TEAD1: variants seen among roughly 807,000 people sequenced by gnomAD.
TEAD1 encodes TEA domain transcription factor 1, also known as transcriptional enhancer factor TEF-1.
TEAD1 carries 9 observed loss-of-function variants against 54.9 expected under a neutral mutation model. That is an observed-to-expected ratio of 0.16 (90% CI 0.10 to 0.29). The LOEUF is 0.29. Ranked by LOEUF, TEAD1 falls within the 10% of genes least tolerant of loss-of-function variation. The pLI, the probability that TEAD1 is intolerant of heterozygous loss-of-function variation, is 1.00. For synonymous variants in TEAD1, 200 were observed against 187.8 expected (o/e 1.07, Z -0.53); for missense variants, 387 against 535.9 (o/e 0.72, Z 2.74).
At chr11:12,928,067 G>A (rs769929128) in intron 11 of TEAD1, among the ~76,000 whole-genome samples, 8 of 151,994 alleles carry the variant, frequency 5.3e-5, no homozygotes, top group Non-Finnish European at 8.8e-5. Context: ...GCTGCAATAC[G>A]TTATCAAATG....
chr11:12,695,550 A>G (rs1281199363), intron 2 of TEAD1, among the ~76,000 whole-genome samples: 12 of 152,150 alleles, frequency 7.9e-5, no homozygotes, highest in East Asian at 1.9e-4. Flanking sequence ...GGGATTGATT[A>G]ATTAATTAAA....
intron 3 of TEAD1, among the ~76,000 whole-genome samples, chr11:12,795,704 A>G (rs1196488017): frequency 6.6e-6 from 1 of 152,208 alleles, no homozygotes; most frequent in East Asian, 1.9e-4. Context: ...TTGGAAATGC[A>G]GAGTCTCAGG....
At chr11:12,908,909 C>G (rs1313160495) in intron 10 of TEAD1, among the ~76,000 whole-genome samples, 1 of 85,130 alleles carries the variant, frequency 1.2e-5, no homozygotes, top group Admixed American at 1.0e-4. Context: ...GACAGTGTTG[C>G]TCTGCTGCCC....
chr11:12,894,481 G>A (rs943767219), intron 9 of TEAD1, among the ~76,000 whole-genome samples: 2 of 152,118 alleles, frequency 1.3e-5, no homozygotes, highest in African/African-American at 2.4e-5. Context: ...GTACTGTTGT[G>A]GTTTGTTTCA....
intron 3 of TEAD1, among the ~76,000 whole-genome samples, chr11:12,799,346 A>T (rs1385783312): frequency 6.6e-6 from 1 of 152,114 alleles, no homozygotes; most frequent in Non-Finnish European, 1.5e-5. Flanking sequence ...TCTTTTTCCT[A>T]TTTCTTGGCT....
intron 10 of TEAD1, among the ~76,000 whole-genome samples, chr11:12,920,198 G>T (rs1293430983): frequency 1.3e-5 from 2 of 152,192 alleles, no homozygotes; most frequent in Non-Finnish European, 2.9e-5. Context: ...TCTGCTAGGT[G>T]TGCCACTGCT....
At chr11:12,716,232 C>A (rs1944059304) in intron 2 of TEAD1, among the ~76,000 whole-genome samples, 1 of 152,172 alleles carries the variant, frequency 6.6e-6, no homozygotes, top group African/African-American at 2.4e-5. Flanking sequence ...TTGGAACCAC[C>A]GGACAAGCAG....
chr11:12,698,455 A>AG (rs1007234075), intron 2 of TEAD1, among the ~76,000 whole-genome samples: 19 of 152,032 alleles, frequency 1.2e-4, no homozygotes, highest in African/African-American at 4.6e-4. Context: ...CAGGCAGAGC[A>AG]GGAAGGGACT....
rs552698311 is a variant in TEAD1 at position 12,717,094 on chromosome 11, C to A, written c.-55+41533C>A. ...GATTTGTAGATCTTCAGAGGATGAG[C>A]CATAAACAGTCAAGTCTGGCCATGG... On this transcript the variant is annotated intron_variant, in intron 2 of 12. Coordinates refer to ENST00000527636, the MANE Select transcript of TEAD1 (RefSeq NM_021961.6). 5.3e-5 allele frequency among the ~76,000 whole-genome samples: 8 copies of A among 152,242 alleles called. No homozygotes were observed. The East Asian group carries it at 1.5e-3, about 29-fold the overall frequency.
At chr11:12,699,564 A>T (rs763071155) in intron 2 of TEAD1, among the ~76,000 whole-genome samples, 1 of 152,208 alleles carries the variant, frequency 6.6e-6, no homozygotes, top group African/African-American at 2.4e-5. Context: ...GGGGTTATTC[A>T]TAGAGACTTT....
chr11:12,788,713 T>G (rs1408871003), intron 3 of TEAD1, among the ~76,000 whole-genome samples: 1 of 152,204 alleles, frequency 6.6e-6, no homozygotes, highest in Non-Finnish European at 1.5e-5. Context: ...ATCACGCCCT[T>G]GGGCACTGAG....
chr11:12,808,139 T>A (rs1236066794), intron 3 of TEAD1, among the ~76,000 whole-genome samples: 2 of 152,242 alleles, frequency 1.3e-5, no homozygotes, highest in East Asian at 3.8e-4. Context: ...ATTCATTTCA[T>A]TTTCCAAGTA....
chr11:12,802,947 T>C (rs561449345), intron 3 of TEAD1, among the ~76,000 whole-genome samples: 22 of 152,204 alleles, frequency 1.4e-4, no homozygotes, highest in Non-Finnish European at 2.9e-4. Flanking sequence ...GAGTCTCATT[T>C]GAGTTGGCGG....
At chr11:12,685,606 A>G (rs1242105412) in intron 2 of TEAD1, among the ~76,000 whole-genome samples, 1 of 152,230 alleles carries the variant, frequency 6.6e-6, no homozygotes, top group Non-Finnish European at 1.5e-5. Flanking sequence ...CCAGGAAAAA[A>G]CATATAGTTC....
chr11:12,862,201 G>A, intron 3 of TEAD1, 49 bp from the exon 4 acceptor site: 6 of 1,504,188 alleles, frequency 4.0e-6, no homozygotes, highest in Non-Finnish European at 5.5e-6. Flanking sequence ...GGCTTTGTTG[G>A]TTTGGTGTTT....
At chr11:12,704,667 G>C (rs1279250668) in intron 2 of TEAD1, among the ~76,000 whole-genome samples, 2 of 152,156 alleles carry the variant, frequency 1.3e-5, no homozygotes, top group Admixed American at 6.5e-5. Context: ...TTACCCTATT[G>C]TCTCTCTCTG....
intron 2 of TEAD1, among the ~76,000 whole-genome samples, chr11:12,724,109 T>C (rs1213259982): frequency 1.3e-5 from 2 of 152,124 alleles, no homozygotes; most frequent in African/African-American, 4.8e-5. Context: ...TCCTTCATGG[T>C]GATGCCAAGC....
chr11:12,719,953 T>TG (rs1564917582), intron 2 of TEAD1, among the ~76,000 whole-genome samples: 1 of 23,296 alleles, frequency 4.3e-5, no homozygotes, highest in Non-Finnish European at 8.2e-5. Flanking sequence ...TCTAATGTTT[T>TG]TTTTTTTTTT....
At chr11:12,676,669 C>T (rs971658779) in intron 2 of TEAD1, among the ~76,000 whole-genome samples, 1 of 152,044 alleles carries the variant, frequency 6.6e-6, no homozygotes, top group Admixed American at 6.5e-5. Flanking sequence ...TTCGTTGAAC[C>T]TTTTGTCAGT....
Sources: gnomAD v4.1 joint callset for allele counts (sites outside exome capture counted in the v4.1 genomes callset) on GRCh38, gnomAD v4.1.1 for gene constraint, MANE v1.5 for transcripts, NCBI Gene and HGNC (gene_info 2026-07-23, HGNC 2026-07-21) for gene names.